COP1: variants seen among roughly 807,000 people sequenced by gnomAD.
COP1 encodes the protein E3 ubiquitin-protein ligase COP1.
A neutral mutation model predicts 101.3 loss-of-function variants in COP1; 24 were observed. That is an observed-to-expected ratio of 0.24 (90% CI 0.17 to 0.33). The LOEUF is 0.33. COP1 is among the 10% of genes least tolerant of loss of function. The pLI is 1.00. For synonymous variants in COP1, 347 were observed against 341.9 expected, an observed-to-expected ratio of 1.01 and a Z score of -0.17; for missense variants, 663 against 906.2, an observed-to-expected ratio of 0.73 and a Z score of 3.45.
chr1:176,055,468 A>T (rs1020608176), intron 11 of COP1, among the ~76,000 whole-genome samples: 1 of 152,194 alleles, frequency 6.6e-6, no homozygotes, highest in Non-Finnish European at 1.5e-5. Flanking sequence ...AAAGCATCTC[A>T]GAGCTAAGCT....
intron 11 of COP1, among the ~76,000 whole-genome samples, chr1:176,051,927 A>T (rs1051877113): frequency 9.4e-4 from 143 of 152,316 alleles, no homozygotes; most frequent in Admixed American, 8.5e-4. Flanking sequence ...TCAAAAAAAA[A>T]TTTTTAAGTT....
At chr1:176,141,138 T>G (rs78969508) in intron 6 of COP1, among the ~76,000 whole-genome samples, 1 of 152,172 alleles carries the variant, frequency 6.6e-6, no homozygotes, top group Non-Finnish European at 1.5e-5. Flanking sequence ...TTGAATACAT[T>G]ACATATAATT....
At chr1:176,094,300 G>T (rs1173678009) in intron 9 of COP1, among the ~76,000 whole-genome samples, 1 of 151,690 alleles carries the variant, frequency 6.6e-6, no homozygotes, top group African/African-American at 2.4e-5. Flanking sequence ...AAGCAACTAG[G>T]TTGCCTTATA....
In COP1 at chr1:175,956,785, A is replaced by G. The variant is rs1218305256; in HGVS notation, c.2134-9546T>C. On this transcript the variant is annotated intron_variant, in intron 18 of 19. Coordinates refer to ENST00000367669, the MANE Select transcript of COP1 (RefSeq NM_022457.7). The stretch of plus-strand genomic sequence containing the variant: ...ATACTCCTTCTACTTATTAACAAAA[A>G]AAGTTACTGTAAAATAGGCTCAGGC... Among the ~76,000 whole-genome samples the G allele has an allele frequency of 2.0e-5, 3 of 152,166 alleles. No homozygotes were observed. In the East Asian group the frequency reaches 5.8e-4, roughly 29 times the overall value.
chr1:176,200,105 A>G (rs1351256212), intron 1 of COP1, among the ~76,000 whole-genome samples: 1 of 152,188 alleles, frequency 6.6e-6, no homozygotes, highest in African/African-American at 2.4e-5. Flanking sequence ...TATAACCTCT[A>G]TGGGCCACAT....
At chr1:175,965,239 G>A (rs138767936) in intron 18 of COP1, among the ~76,000 whole-genome samples, 1 of 152,266 alleles carries the variant, frequency 6.6e-6, no homozygotes, top group East Asian at 1.9e-4. Flanking sequence ...TACAGCCACA[G>A]AACAATTTCA....
intron 15 of COP1, among the ~76,000 whole-genome samples, chr1:175,992,424 G>A (rs761673560): frequency 3.3e-5 from 5 of 152,214 alleles, no homozygotes; most frequent in Non-Finnish European, 5.9e-5. Context: ...CACCGTGCGC[G>A]AGCCAAAGCA....
At chr1:175,958,031 C>T (rs897351689) in intron 18 of COP1, among the ~76,000 whole-genome samples, 7 of 151,962 alleles carry the variant, frequency 4.6e-5, no homozygotes, top group Non-Finnish European at 1.0e-4. Flanking sequence ...AGGGAGGGGA[C>T]TGATTACAAA....
chr1:175,947,207 C>T lies in COP1; in HGVS notation c.2166G>A (p.Gln722=). 1.9e-6 allele frequency: 3 copies of T among 1,609,384 alleles called. No homozygotes were observed. Among genetic ancestry groups the T allele is most frequent in the Non-Finnish European group, 2.6e-6 (3 of 1,175,812 alleles). ...GTAAATAGCTTACCTTAATTGTACC[C>T]TGACTGTTAGCAGCAATCAGCACAT... ...ESNVLIAANS[Q]GTIKVLELV is the part of the protein sequence containing the mutation. Residue 722 remains glutamine (Q), a synonymous_variant, in exon 19 of 20, where the codon CAG becomes CAA. Coordinates refer to ENST00000367669, the MANE Select transcript of COP1 (RefSeq NM_022457.7).
chr1:175,947,495 C>T (rs1354504794), intron 18 of COP1, among the ~76,000 whole-genome samples: 2 of 151,902 alleles, frequency 1.3e-5, no homozygotes, highest in Non-Finnish European at 2.9e-5. Context: ...CTCAGCCTCC[C>T]GAGTAGCTGG....
intron 10 of COP1, 104 bp downstream of exon 10, chr1:176,085,672 T>C (rs1680006189): frequency 1.8e-6 from 1 of 552,858 alleles, no homozygotes; most frequent in African/African-American, 1.8e-5. Context: ...CAAAAATACA[T>C]ACTTTTGCTT....
intron 3 of COP1, among the ~76,000 whole-genome samples, chr1:176,165,352 GAT>G (rs1205113929): frequency 1.4e-5 from 2 of 146,276 alleles, no homozygotes; most frequent in Non-Finnish European, 3.0e-5. Context: ...GAGAGAGAGA[GAT>G]GTGTGTCGTG....
chr1:176,055,170 A>G (rs1046652296), intron 11 of COP1, among the ~76,000 whole-genome samples: 2 of 152,252 alleles, frequency 1.3e-5, no homozygotes, highest in African/African-American at 4.8e-5. Flanking sequence ...GCAGTGGCTC[A>G]AGCCTGTAAT....
chr1:176,047,821 T>C (rs1262973222), intron 11 of COP1, among the ~76,000 whole-genome samples: 1 of 152,106 alleles, frequency 6.6e-6, no homozygotes, highest in Non-Finnish European at 1.5e-5. Flanking sequence ...ATGCCTGCAA[T>C]CCCAGCACTC....
chr1:176,141,768 T>C (rs1339839154), intron 6 of COP1, among the ~76,000 whole-genome samples: 1 of 150,964 alleles, frequency 6.6e-6, no homozygotes, highest in African/African-American at 2.4e-5. Context: ...ACTCATTTTG[T>C]CACCCAGGCT....
intron 6 of COP1, among the ~76,000 whole-genome samples, chr1:176,139,288 C>CA (rs563184945): frequency 0.083 from 9,022 of 108,256 alleles, 626 homozygotes; most frequent in African/African-American, 0.21. Flanking sequence ...ACAAAAAAAA[C>CA]AAAAAAAAAA....
chr1:176,154,460 A>G (rs1054553349), intron 5 of COP1, among the ~76,000 whole-genome samples: 22 of 132,646 alleles, frequency 1.7e-4, no homozygotes, highest in African/African-American at 5.6e-4. Context: ...ATGCAGCCAT[A>G]AAAAAGGAGA....
At chr1:175,960,991 G>A (rs1015900440) in intron 18 of COP1, among the ~76,000 whole-genome samples, 9 of 152,148 alleles carry the variant, frequency 5.9e-5, no homozygotes, top group Non-Finnish European at 8.8e-5. Context: ...TAGACAAAAA[G>A]GGAGCAGAAA....
rs573573650 is a variant in COP1, at chr1:175,987,255, T to C, written c.1973-152A>G. 1.3e-3 allele frequency: 581 copies of C among 464,080 alleles called. 1 individual carries two copies. Among genetic ancestry groups the C allele is most frequent in the Non-Finnish European group, 1.8e-3 (467 of 263,876 alleles). The allele number at this position is 464,080 out of a possible 1,614,324, so 28.7% of individuals were successfully genotyped here. Reference sequence around the variant, plus strand: ...AGATCACAGGACTAATTAGAAATCATGTAAGAAAAGGATTCTTGGACAAAA... The same window carrying C: ...AGATCACAGGACTAATTAGAAATCACGTAAGAAAAGGATTCTTGGACAAAA... On this transcript the variant is annotated intron_variant, in intron 17 of 19. Transcript: ENST00000367669.
Sources: gnomAD v4.1 joint callset for allele counts (sites outside exome capture counted in the v4.1 genomes callset) on GRCh38, gnomAD v4.1.1 for gene constraint, MANE v1.5 for transcripts, NCBI Gene and HGNC (gene_info 2026-07-23, HGNC 2026-07-21) for gene names.